Variants in TBCK observed in about 807,000 individuals in gnomAD.
TBCK encodes TBC1 domain containing kinase.
A neutral mutation model predicts 113.4 loss-of-function variants in TBCK; 99 were observed. The ratio of observed to expected loss-of-function variants is 0.87; its 90% CI spans 0.74 to 1.03. The LOEUF is 1.03. Ranked by LOEUF, TBCK falls within the 50% of genes least tolerant of loss-of-function variation. The pLI is 0.00. For missense variants in TBCK, 1,045 were observed against 1,061.3 expected (o/e 0.98, Z 0.21); for synonymous variants, 369 against 370.8 (o/e 1.00, Z 0.05).
intron 2 of TBCK, among the ~76,000 whole-genome samples, chr4:106,304,387 C>A (rs1322224038): frequency 6.6e-6 from 1 of 152,116 alleles, no homozygotes; most frequent in East Asian, 1.9e-4. Flanking sequence ...GATCCTCATA[C>A]CAAATAAATT....
Position 106,177,850 on chromosome 4 carries a change from C to G in TBCK, c.2060-6580G>C, listed in dbSNP as rs191423362. 2.0e-5 allele frequency among the ~76,000 whole-genome samples: 3 copies of G among 151,870 alleles called. No individual in the cohort carries two copies. In the South Asian group the frequency reaches 6.2e-4, roughly 32 times the overall value. On this transcript the variant is annotated intron_variant, in intron 22 of 25. Coordinates refer to ENST00000394708, the MANE Select transcript of TBCK (RefSeq NM_001163435.3). ...CATAAAAATTTTAGGATTATTTTTT[C>G]GAATTCTGTTAAGAGTGTCATTGGT...
intron 20 of TBCK, among the ~76,000 whole-genome samples, chr4:106,195,919 G>A (rs377033891): frequency 2.4e-4 from 37 of 151,984 alleles, no homozygotes; most frequent in African/African-American, 8.0e-4. Context: ...TATTGGTTCT[G>A]TTTCTCTAGA....
chr4:106,313,656 C>G (rs770794546), intron 1 of TBCK, among the ~76,000 whole-genome samples: 6 of 152,134 alleles, frequency 3.9e-5, no homozygotes, highest in African/African-American at 1.4e-4. Context: ...AGGAGCAATA[C>G]AAAAGGACTA....
intron 5 of TBCK, among the ~76,000 whole-genome samples, chr4:106,255,448 C>T (rs1761877876): frequency 6.6e-6 from 1 of 152,222 alleles, no homozygotes; most frequent in Non-Finnish European, 1.5e-5. Flanking sequence ...GGCACACTGG[C>T]TGTGGCATGG....
At chr4:106,309,802 T>C (rs916813174) in intron 1 of TBCK, 2 of 152,234 alleles carry the variant, frequency 1.3e-5, no homozygotes, top group African/African-American at 4.8e-5. Context: ...TTCATTTTTA[T>C]GCTAGATATT....
rs554929731 is a variant in TBCK, at chr4:106,203,576, C to T, written c.1861-8822G>A. ...AAAGAAACAAATAAAAAATAACTAACTGTATAAACATACCTTTTATTATTT... is the reference window on the plus strand; with the variant it reads ...AAAGAAACAAATAAAAAATAACTAATTGTATAAACATACCTTTTATTATTT... On this transcript the variant is annotated intron_variant, in intron 20 of 25. Transcript: ENST00000394708. 4.0e-5 allele frequency among the ~76,000 whole-genome samples: 6 copies of T among 151,832 alleles called. No individual in the cohort carries two copies. In the East Asian group the frequency reaches 1.2e-3, roughly 29 times the overall value.
At chr4:106,084,321 T>C (rs1739248572) in intron 25 of TBCK, among the ~76,000 whole-genome samples, 1 of 151,798 alleles carries the variant, frequency 6.6e-6, no homozygotes, top group East Asian at 1.9e-4. Context: ...ACTGACCACA[T>C]GGAAGAAAGG....
chr4:106,204,198 A>T (rs574377509), intron 20 of TBCK, among the ~76,000 whole-genome samples: 5 of 152,312 alleles, frequency 3.3e-5, no homozygotes, highest in African/African-American at 1.2e-4. Context: ...AGAATTTATT[A>T]TAATCTACAT....
intron 25 of TBCK, among the ~76,000 whole-genome samples, chr4:106,094,004 G>A (rs1471973923): frequency 2.0e-5 from 3 of 152,126 alleles, no homozygotes; most frequent in Non-Finnish European, 4.4e-5. Context: ...CATGTGTGGG[G>A]TAGTGGTATA....
chr4:106,129,366 C>G (rs1745604108), intron 23 of TBCK, among the ~76,000 whole-genome samples: 1 of 152,128 alleles, frequency 6.6e-6, no homozygotes, highest in African/African-American at 2.4e-5. Context: ...TTGTTCAGCT[C>G]CCACTTATAA....
intron 3 of TBCK, among the ~76,000 whole-genome samples, chr4:106,263,290 C>T (rs1246243748): frequency 6.6e-6 from 1 of 151,514 alleles, no homozygotes; most frequent in Non-Finnish European, 1.5e-5. Flanking sequence ...ATTCAATCCA[C>T]AAACAGGCAG....
At chr4:106,124,998 T>G (rs1181850384) in intron 23 of TBCK, among the ~76,000 whole-genome samples, 1 of 105,892 alleles carries the variant, frequency 9.4e-6, no homozygotes, top group Non-Finnish European at 2.1e-5. Context: ...ACTTAAAGTA[T>G]AAAAAAAAAA....
intron 24 of TBCK, 57 bp from the exon 25 acceptor site, chr4:106,095,698 G>A: frequency 1.3e-6 from 2 of 1,502,590 alleles, no homozygotes; most frequent in East Asian, 2.3e-5. Flanking sequence ...AGTGTCTGAG[G>A]GAAACTCACA....
chr4:106,112,265 G>GTAT (rs1428214153), intron 24 of TBCK, among the ~76,000 whole-genome samples: 1 of 152,218 alleles, frequency 6.6e-6, no homozygotes. Flanking sequence ...ATTCAAGGCA[G>GTAT]TATTGCCTTA....
At chr4:106,125,063 A>T (rs1027815945) in intron 23 of TBCK, among the ~76,000 whole-genome samples, 2 of 152,094 alleles carry the variant, frequency 1.3e-5, no homozygotes, top group Admixed American at 6.6e-5. Context: ...GTTATCAAAA[A>T]GGCAAAAAGC....
Position 106,230,433 on chromosome 4 carries a change from T to A in TBCK, c.1704A>T (p.Ala568=). ...LNFNNEALAY[A]CMSAFIPKYL... ...ATTTGGGAATAAAAGCAGACATACA[T>A]GCATAAGCCAAGGCTAAAAGAGAAT... The change falls in exon 19 of 26, where the codon GCA becomes GCT. Residue 568 remains alanine (A), a synonymous_variant. Transcript: ENST00000394708. 6.2e-7 allele frequency: 1 copy of A among 1,601,686 alleles called. No individual in the cohort carries two copies. Among genetic ancestry groups the A allele is most frequent in the Non-Finnish European group, 8.5e-7 (1 of 1,171,740 alleles).
chr4:106,231,753 G>C lies in TBCK; in HGVS notation c.1666C>G (p.Leu556Val), dbSNP rs773173168. 13 of 1,609,746 alleles carry C rather than the reference G, an allele frequency of 8.1e-6. No individual in the cohort carries two copies. In the East Asian group the frequency reaches 2.2e-4, roughly 28 times the overall value. Residue 556 changes from leucine to valine, a missense_variant, in exon 18 of 26, where the codon CTA (leucine) becomes GTA (valine). Physicochemically the swap from Leu to Val is conservative, Grantham distance 32. Transcript: ENST00000394708. Reference protein sequence around the residue: ...QGLDSLCAPFLYLNFNNEALA... With the variant: ...QGLDSLCAPFVYLNFNNEALA... The stretch of plus-strand genomic sequence containing the variant: ...CCTTCATTATTGAAGTTTAGATATA[G>C]GAATGGAGCACAAAGTGAGTCAAGA...
At chr4:106,229,488 T>C (rs1016489790) in intron 19 of TBCK, among the ~76,000 whole-genome samples, 4 of 152,082 alleles carry the variant, frequency 2.6e-5, no homozygotes, top group African/African-American at 7.2e-5. Context: ...TCAGAACTAT[T>C]TGTTGAAGAG....
chr4:106,261,982 T>A (rs570592233), intron 4 of TBCK, 116 bp downstream of exon 4: 26 of 463,522 alleles, frequency 5.6e-5, no homozygotes, highest in Middle Eastern at 9.9e-4. Context: ...CTTTTCATTA[T>A]GAATATTCTT....
Sources: allele counts gnomAD v4.1 joint callset (sites outside exome capture counted in the v4.1 genomes callset), GRCh38; gene constraint gnomAD v4.1.1; transcripts MANE v1.5; gene names NCBI Gene and HGNC (gene_info 2026-07-23, HGNC 2026-07-21).